The following USP50 variants were observed in gnomAD, a reference collection of about 807,000 sequenced individuals.
The protein encoded by USP50 is ubiquitin specific peptidase 50, also known as ubiquitin carboxyl-terminal hydrolase 50.
A neutral mutation model predicts 39.2 loss-of-function variants in USP50; 37 were observed. The observed-to-expected ratio is 0.94, with a 90% CI of 0.73 to 1.24. The LOEUF is 1.24. USP50 is among the 50% of genes most tolerant of loss of function. The pLI, the probability that USP50 is intolerant of heterozygous loss-of-function variation, is 0.00. For missense variants in USP50, 374 were observed against 398.2 expected, an observed-to-expected ratio of 0.94 and a Z score of 0.52; for synonymous variants, 139 against 144.5, an observed-to-expected ratio of 0.96 and a Z score of 0.27.
chr15:50,499,536 G>A (rs1445478289), downstream of USP50: 3 of 152,230 alleles, frequency 2.0e-5, no homozygotes, highest in Non-Finnish European at 4.4e-5. Flanking sequence ...GATGTACATA[G>A]TTTAACACGT....
At chr15:50,508,474 G>C (rs1178192595) in intron 6 of USP50, 1 of 152,168 alleles carries the variant, frequency 6.6e-6, no homozygotes, top group East Asian at 1.9e-4. Context: ...AAAAAAGGCA[G>C]AGAAAGTGGG....
At chr15:50,494,369 G>T in intron 1 of USP50, 1 of 1,140,902 alleles carries the variant, frequency 8.8e-7, no homozygotes, top group Non-Finnish European at 1.2e-6. Context: ...ATTCTAGTTG[G>T]TGATAGTTCA....
chr15:50,500,561 G>T, downstream of USP50: 1 of 499,132 alleles, frequency 2.0e-6, no homozygotes, highest in Non-Finnish European at 3.6e-6. Flanking sequence ...AATGATGCAA[G>T]TAAGTTCTAA....
chr15:50,525,961 A>T (rs781291383), intron 6 of USP50, among the ~76,000 whole-genome samples: 1 of 152,110 alleles, frequency 6.6e-6, no homozygotes, highest in Non-Finnish European at 1.5e-5. Context: ...AAAAGAATAC[A>T]TGGGAATAAT....
At position 50,538,721 on chromosome 15, in the gene USP50, A is replaced by C. The variant is rs1031171926; in HGVS notation, c.791T>G (p.Phe264Cys). 6.3e-7 allele frequency: 1 copy of C among 1,591,494 alleles called. No homozygotes were observed. Among genetic ancestry groups the C allele is most frequent in the African/African-American group, 1.3e-5 (1 of 74,536 alleles). ...TAAAAATCCATACCTTTTTAGGTGG[A>C]AAATAATTATTTTTGGTGCTTTGGA... is the stretch of plus-strand genomic sequence containing the variant. ...SISKAPKIII[F>C]HLKRFDIQGT... Residue 264 changes from phenylalanine (F) to cysteine (C), a missense_variant, in exon 5 of 7, where the codon TTC (phenylalanine) becomes TGC (cysteine). Phe to Cys is a radical substitution (Grantham distance 205). Coordinates refer to ENST00000532404, the MANE Select transcript of USP50 (RefSeq NM_203494.5).
At chr15:50,546,400 TC>T (rs2053071225) in intron 1 of USP50, 72 bp downstream of exon 1, 1 of 1,513,994 alleles carries the variant, frequency 6.6e-7, no homozygotes, top group South Asian at 1.1e-5. Flanking sequence ...GCAGTGTGTG[TC>T]CCCTGACTCC....
At chr15:50,528,069 T>TTTA (rs2052912609) in intron 6 of USP50, among the ~76,000 whole-genome samples, 1 of 29,454 alleles carries the variant, frequency 3.4e-5, no homozygotes, top group Non-Finnish European at 7.7e-5. Context: ...AACTAAGTTT[T>TTTA]TTTTTTTTTT....
At chr15:50,498,533 A>G (rs2052500364), downstream of USP50, 2 of 1,489,532 alleles carry the variant, frequency 1.3e-6, no homozygotes, top group South Asian at 2.9e-5. Context: ...CTAGATGTTA[A>G]TGAATGAGGA....
At chr15:50,538,563 T>C (rs1337528955) in intron 5 of USP50, 146 bp downstream of exon 5, 2 of 900,410 alleles carry the variant, frequency 2.2e-6, no homozygotes, top group African/African-American at 3.4e-5. Context: ...ATGCTGTATA[T>C]ATTTTATCAC....
intron 3 of USP50, among the ~76,000 whole-genome samples, chr15:50,542,829 A>C (rs2053040926): frequency 6.6e-6 from 1 of 152,142 alleles, no homozygotes; most frequent in African/African-American, 2.4e-5. Flanking sequence ...AATGGAACTG[A>C]GATCTGCCAA....
In USP50 at chr15:50,544,605, T is replaced by C. The variant is rs747510800; in HGVS notation, c.230A>G (p.Tyr77Cys). 4.3e-6 allele frequency: 7 copies of C among 1,613,368 alleles called. No individual in the cohort carries two copies. The African/African-American group carries it at 6.7e-5, about 15-fold the overall frequency. ...PLVEYFLTGKYITALQNDCSE... is the reference protein window; with the variant it reads ...PLVEYFLTGKCITALQNDCSE... ...GTCTTACTTTTGCAGAGCGGTGATA[T>C]ACTTCCCGGTGAGAAAGTATTCCAC... The change falls in exon 2 of 7, where the codon TAT (tyrosine) becomes TGT (cysteine). Residue 77 changes from tyrosine (Y) to cysteine (C), a missense_variant. Coordinates refer to ENST00000532404, the MANE Select transcript of USP50 (RefSeq NM_203494.5).
chr15:50,517,094 G>C (rs895435112), intron 6 of USP50, among the ~76,000 whole-genome samples: 2 of 152,134 alleles, frequency 1.3e-5, no homozygotes, highest in African/African-American at 4.8e-5. Context: ...CCATCCAATA[G>C]CAACAGAATA....
At chr15:50,537,276 C>G (rs751656395) in intron 5 of USP50, among the ~76,000 whole-genome samples, 27 of 151,894 alleles carry the variant, frequency 1.8e-4, no homozygotes, top group Non-Finnish European at 3.5e-4. Flanking sequence ...ACACACAAAC[C>G]TTACACCCTT....
At chr15:50,534,701 G>A (rs181237190) in intron 5 of USP50, among the ~76,000 whole-genome samples, 2 of 152,154 alleles carry the variant, frequency 1.3e-5, no homozygotes, top group Admixed American at 6.5e-5. Flanking sequence ...AGTGGGAGTA[G>A]CTATATTAAT....
intron 6 of USP50, among the ~76,000 whole-genome samples, chr15:50,525,812 A>G (rs1427990528): frequency 1.4e-5 from 2 of 144,934 alleles, no homozygotes; most frequent in African/African-American, 5.5e-5. Flanking sequence ...AATAATATTA[A>G]TGAGTTTAAA....
chr15:50,531,503 G>A (rs543125284), intron 5 of USP50, among the ~76,000 whole-genome samples: 2 of 150,930 alleles, frequency 1.3e-5, no homozygotes, highest in South Asian at 2.1e-4. Context: ...TTATAGGGAC[G>A]GAAATCAGAT....
downstream of USP50, chr15:50,498,321 T>TG: frequency 3.5e-6 from 1 of 282,302 alleles, no homozygotes; most frequent in Non-Finnish European, 6.5e-6. Context: ...AAGACTCATG[T>TG]AGCAGTTGTA....
At chr15:50,514,787 C>G (rs561504788) in intron 6 of USP50, among the ~76,000 whole-genome samples, 1 of 152,058 alleles carries the variant, frequency 6.6e-6, no homozygotes, top group South Asian at 2.1e-4. Context: ...CTCAGCCTCC[C>G]AAAGTGCTGG....
At chr15:50,545,938 G>A (rs1290473325) in intron 1 of USP50, among the ~76,000 whole-genome samples, 1 of 150,970 alleles carries the variant, frequency 6.6e-6, no homozygotes, top group Non-Finnish European at 1.5e-5. Context: ...ATTTTTTTAA[G>A]TGATTGATCT....
Sources: allele counts gnomAD v4.1 joint callset (sites outside exome capture counted in the v4.1 genomes callset), GRCh38; gene constraint gnomAD v4.1.1; transcripts MANE v1.5; gene names NCBI Gene and HGNC (gene_info 2026-07-23, HGNC 2026-07-21).